Variants in NR3C1 observed in about 807,000 individuals in gnomAD.
NR3C1 encodes the protein glucocorticoid receptor.
In NR3C1, 14 loss-of-function variants were observed where a neutral mutation model predicts 74.0. That is an observed-to-expected ratio of 0.19 (90% confidence interval 0.12 to 0.30). The LOEUF (loss-of-function observed/expected upper bound fraction) is 0.30, where lower values mean the gene tolerates loss of function less well. Among genes scored for constraint, NR3C1 ranks in the 10% least tolerant of loss-of-function variants. The pLI is 1.00. For synonymous variants in NR3C1, 308 were observed against 332.5 expected, an observed-to-expected ratio of 0.93 and a Z score of 0.80; for missense variants, 695 against 909.8, an observed-to-expected ratio of 0.76 and a Z score of 3.04.
chr5:143,409,932 G>T (rs1279680862), intron 1 of NR3C1, among the ~76,000 whole-genome samples: 5 of 152,192 alleles, frequency 3.3e-5, no homozygotes, highest in Non-Finnish European at 7.3e-5. Flanking sequence ...TGCGTGAAAT[G>T]CCCAATGGGT....
At chr5:143,289,247 T>C (rs563626183) in intron 7 of NR3C1, among the ~76,000 whole-genome samples, 9 of 152,240 alleles carry the variant, frequency 5.9e-5, no homozygotes, top group African/African-American at 2.2e-4. Flanking sequence ...ATACAGATCA[T>C]TGGGTAAGAA....
At chr5:143,282,764 T>C (rs749039964) in intron 7 of NR3C1, 39 bp from the exon 8 acceptor site, 12 of 1,580,468 alleles carry the variant, frequency 7.6e-6, no homozygotes, top group Non-Finnish European at 8.6e-6. Flanking sequence ...GGATTTTCTT[T>C]TTCTTTTCTT....
At chr5:143,305,436 C>T (rs1349033525) in intron 4 of NR3C1, among the ~76,000 whole-genome samples, 2 of 152,148 alleles carry the variant, frequency 1.3e-5, no homozygotes, top group Non-Finnish European at 1.5e-5. Context: ...CAAAAAGACA[C>T]ATGTACCCAT....
intron 1 of NR3C1, among the ~76,000 whole-genome samples, chr5:143,427,435 A>AT (rs1751589348): frequency 6.6e-6 from 1 of 152,104 alleles, no homozygotes; most frequent in African/African-American, 2.4e-5. Flanking sequence ...ACCTTAATGG[A>AT]TAGAATGACA....
At chr5:143,354,019 C>T (rs1456159838) in intron 2 of NR3C1, among the ~76,000 whole-genome samples, 2 of 152,334 alleles carry the variant, frequency 1.3e-5, no homozygotes, top group Non-Finnish European at 2.9e-5. Context: ...TCTGTATCAG[C>T]ACTTGCTGCT....
chr5:143,431,878 G>A (rs1385919093), intron 1 of NR3C1, among the ~76,000 whole-genome samples: 7 of 152,174 alleles, frequency 4.6e-5, no homozygotes, highest in Non-Finnish European at 1.5e-5. Context: ...TGGGGCCCCT[G>A]GATGAGTGGA....
Position 143,303,008 on chromosome 5 carries a change from A to G in NR3C1, c.1469-2245T>C, listed in dbSNP as rs111969307. 1.1e-3 allele frequency among the ~76,000 whole-genome samples: 169 copies of G among 152,192 alleles called. 1 individual carries two copies. Among genetic ancestry groups the G allele is most frequent in the African/African-American group, 3.6e-3 (150 of 41,560 alleles). ...AGTTTATAAAAGTTGGTTACTTGAA[A>G]GGATAAACAAGATTGATAGACCACT... is the stretch of plus-strand genomic sequence containing the variant. On this transcript the variant is annotated intron_variant, in intron 4 of 8. Transcript: ENST00000394464.
At chr5:143,363,818 G>A (rs532140003) in intron 2 of NR3C1, among the ~76,000 whole-genome samples, 2 of 151,950 alleles carry the variant, frequency 1.3e-5, no homozygotes, top group Non-Finnish European at 2.9e-5. Context: ...CCATGAACTC[G>A]AAGATAGGTC....
At chr5:143,408,123 C>T (rs1841175681), upstream of NR3C1, among the ~76,000 whole-genome samples, 2 of 151,972 alleles carry the variant, frequency 1.3e-5, no homozygotes, top group African/African-American at 4.8e-5. Context: ...TTTTATGAGC[C>T]CACTGACTGG....
At chr5:143,363,284 T>C (rs1021780454) in intron 2 of NR3C1, among the ~76,000 whole-genome samples, 1 of 152,126 alleles carries the variant, frequency 6.6e-6, no homozygotes, top group African/African-American at 2.4e-5. Flanking sequence ...ACATCTACAA[T>C]ACTCACCAAC....
chr5:143,374,681 A>G (rs952513571), intron 2 of NR3C1, among the ~76,000 whole-genome samples: 12 of 152,220 alleles, frequency 7.9e-5, no homozygotes, highest in South Asian at 2.1e-4. Context: ...GCTTCAAAGC[A>G]CAGTGAGTCA....
At chr5:143,377,946 C>G (rs570870791) in intron 2 of NR3C1, among the ~76,000 whole-genome samples, 1 of 152,266 alleles carries the variant, frequency 6.6e-6, no homozygotes, top group Non-Finnish European at 1.5e-5. Context: ...TGAAAGTAGT[C>G]TTTGTAAAGG....
Position 143,287,990 on chromosome 5 carries a change from C to G in NR3C1, c.2024-5265G>C, listed in dbSNP as rs72542753. Among the ~76,000 whole-genome samples the G allele has an allele frequency of 5.2e-3, 795 of 152,146 alleles. 6 individuals carry two copies. Among genetic ancestry groups the G allele is most frequent in the African/African-American group, 0.018 (761 of 41,522 alleles). On this transcript the variant is annotated intron_variant, in intron 7 of 8. Coordinates refer to ENST00000394464, the MANE Select transcript of NR3C1 (RefSeq NM_000176.3). ...AAAGACAAATATGTACTGTGAGTCT[C>G]TTTACAGAAGACTATTTGTGGAACT...
At chr5:143,402,812 T>A (rs1840576082) in intron 1 of NR3C1, 1 of 985,188 alleles carries the variant, frequency 1.0e-6, no homozygotes, top group African/African-American at 1.7e-5. Context: ...GCGAGTAAAA[T>A]TCAGACGCGG....
intron 2 of NR3C1, among the ~76,000 whole-genome samples, chr5:143,343,595 G>A (rs1828656608): frequency 6.6e-6 from 1 of 152,212 alleles, no homozygotes; most frequent in Non-Finnish European, 1.5e-5. Context: ...TGGAGTCAGA[G>A]TTCTCTTTCA....
intron 2 of NR3C1, among the ~76,000 whole-genome samples, chr5:143,379,984 A>C (rs1835895313): frequency 6.6e-6 from 1 of 152,220 alleles, no homozygotes; most frequent in African/African-American, 2.4e-5. Flanking sequence ...TTGGAAAGAT[A>C]CTGTTCTTTT....
chr5:143,366,642 C>A (rs1297968181), intron 2 of NR3C1, among the ~76,000 whole-genome samples: 3 of 151,670 alleles, frequency 2.0e-5, no homozygotes, highest in Non-Finnish European at 4.4e-5. Flanking sequence ...TTATGACTGA[C>A]CTTACAGCAA....
chr5:143,310,814 C>T (rs760673493), intron 3 of NR3C1, among the ~76,000 whole-genome samples: 5 of 152,170 alleles, frequency 3.3e-5, no homozygotes, highest in East Asian at 1.9e-4. Context: ...CACGCCACCA[C>T]GCCTGGCTAA....
intron 4 of NR3C1, among the ~76,000 whole-genome samples, chr5:143,305,240 C>G (rs533421561): frequency 6.6e-6 from 1 of 152,078 alleles, no homozygotes; most frequent in African/African-American, 2.4e-5. Context: ...AAAAGACATA[C>G]GTGTGGCCAA....
Sources: gnomAD v4.1 joint callset for allele counts (sites outside exome capture counted in the v4.1 genomes callset) on GRCh38, gnomAD v4.1.1 for gene constraint, MANE v1.5 for transcripts, NCBI Gene and HGNC (gene_info 2026-07-23, HGNC 2026-07-21) for gene names.